Variants in STXBP4 observed in about 807,000 individuals in gnomAD.
STXBP4 encodes syntaxin-binding protein 4.
STXBP4 carries 55 observed loss-of-function variants against 76.1 expected under a neutral mutation model. That is an observed-to-expected ratio of 0.72 (90% CI 0.58 to 0.91). The LOEUF is 0.91. STXBP4 is among the 40% of genes least tolerant of loss of function. The probability of loss-of-function intolerance (pLI) is 0.00; values close to 1 mark genes in which losing one functional copy is unlikely to be tolerated. For synonymous variants in STXBP4, 201 were observed against 220.2 expected, an observed-to-expected ratio of 0.91 and a Z score of 0.77; for missense variants, 618 against 636.9, an observed-to-expected ratio of 0.97 and a Z score of 0.32.
At chr17:55,000,394 A>G (rs975091770) in intron 6 of STXBP4, 2 of 421,260 alleles carry the variant, frequency 4.7e-6, no homozygotes, top group Admixed American at 6.4e-5. Flanking sequence ...CAGTTACAGA[A>G]TAAAGTGTGT....
intron 1 of STXBP4, among the ~76,000 whole-genome samples, chr17:54,970,970 T>G (rs559754461): frequency 9.9e-6 from 1 of 100,754 alleles, no homozygotes; most frequent in African/African-American, 4.3e-5. Context: ...GAAATACTTC[T>G]GAATGACAAC....
At position 55,155,510 on chromosome 17, in the gene STXBP4, ACC is replaced by A. The variant is rs5821088; in HGVS notation, c.1548-4278_1548-4277del. Among the ~76,000 whole-genome samples the A allele has an allele frequency of 4.3e-5, 6 of 138,554 alleles. No individual in the cohort carries two copies. The East Asian group carries it at 8.7e-4, about 20-fold the overall frequency. The allele number at this position is 138,554 out of a possible 152,430, so 90.9% of individuals were successfully genotyped here. On this transcript the variant is annotated intron_variant, in intron 17 of 17. Transcript: ENST00000376352. The stretch of plus-strand genomic sequence containing the variant: ...TAAATACTATATGCATACAATTATC[ACC>A]CCCCCCCCAATAAAATGACACTGGA...
chr17:55,041,779 CT>C (rs1351581950), intron 10 of STXBP4, among the ~76,000 whole-genome samples: 13 of 152,138 alleles, frequency 8.5e-5, no homozygotes, highest in African/African-American at 3.1e-4. Flanking sequence ...CATATTAAGG[CT>C]GTTGGAAGCC....
At chr17:55,080,798 C>T (rs2079245721) in intron 15 of STXBP4, among the ~76,000 whole-genome samples, 1 of 152,084 alleles carries the variant, frequency 6.6e-6, no homozygotes, top group African/African-American at 2.4e-5. Flanking sequence ...GGAGACAGGT[C>T]ATCCTTCTAT....
In STXBP4 at chr17:55,025,647, A is replaced by G. The variant is rs1462657427; in HGVS notation, c.667-5521A>G. ...ATAGAAAGGAATCTCCTAAACCTCA[A>G]AAAGAACATTTATGTAAGCCTACTG... On this transcript the variant is annotated intron_variant, in intron 8 of 17. Coordinates refer to ENST00000376352, the MANE Select transcript of STXBP4 (RefSeq NM_178509.6). 2.0e-5 allele frequency among the ~76,000 whole-genome samples: 3 copies of G among 152,240 alleles called. No homozygotes were observed. The East Asian group carries it at 5.8e-4, about 29-fold the overall frequency.
chr17:55,173,654 A>G (rs1473786935), downstream of STXBP4: 1 of 152,224 alleles, frequency 6.6e-6, no homozygotes, highest in African/African-American at 2.4e-5. Context: ...TTGTGTGAAC[A>G]TAAGTATTCA....
intron 8 of STXBP4, among the ~76,000 whole-genome samples, chr17:55,008,392 T>C (rs2078046537): frequency 6.6e-6 from 1 of 152,148 alleles, no homozygotes; most frequent in African/African-American, 2.4e-5. Context: ...ATGATAGTCC[T>C]TTCTCATTGC....
chr17:55,024,007 C>T (rs565998400), intron 8 of STXBP4, among the ~76,000 whole-genome samples: 4 of 146,494 alleles, frequency 2.7e-5, no homozygotes, highest in Admixed American at 6.8e-5. Flanking sequence ...ATGATTGGTA[C>T]AAATGAATGG....
intron 3 of STXBP4, among the ~76,000 whole-genome samples, chr17:54,990,067 C>G (rs2077690548): frequency 6.6e-6 from 1 of 152,146 alleles, no homozygotes; most frequent in Admixed American, 6.5e-5. Context: ...TTGTCCTACT[C>G]CAAAGAAATA....
At chr17:55,073,172 G>C (rs1373315644) in intron 13 of STXBP4, 96 bp downstream of exon 13, 1 of 1,148,606 alleles carries the variant, frequency 8.7e-7, no homozygotes, top group Non-Finnish European at 1.3e-6. Flanking sequence ...TTCTAAACTA[G>C]GTCAGTGTTT....
intron 16 of STXBP4, among the ~76,000 whole-genome samples, chr17:55,103,969 A>G (rs2079597814): frequency 6.6e-6 from 1 of 152,134 alleles, no homozygotes; most frequent in African/African-American, 2.4e-5. Flanking sequence ...ATTTTTGCAC[A>G]TTGATTTTGT....
intron 16 of STXBP4, among the ~76,000 whole-genome samples, chr17:55,082,757 A>C (rs1269919251): frequency 6.6e-6 from 1 of 152,154 alleles, no homozygotes; most frequent in Non-Finnish European, 1.5e-5. Flanking sequence ...CCAACAACCA[A>C]GAATCACCTA....
chr17:55,081,286 G>A lies in STXBP4; in HGVS notation c.1489+103G>A, dbSNP rs994745835. ...GTTATAGTGGCTTGCCTACAGCAAAGTTGATACCTAATCAATAAAAATATT... is the reference window on the plus strand; with the variant it reads ...GTTATAGTGGCTTGCCTACAGCAAAATTGATACCTAATCAATAAAAATATT... On this transcript the variant is annotated intron_variant, in intron 16 of 17. Transcript: ENST00000376352. The A allele has an allele frequency of 3.6e-5, 29 of 804,264 alleles. No individual in the cohort carries two copies. In the African/African-American group the frequency reaches 5.1e-4, roughly 14 times the overall value. The allele number at this position is 804,264 out of a possible 1,614,324, so 49.8% of individuals were successfully genotyped here. A position where few individuals can be genotyped will look rare whatever the true frequency, so the allele number is the denominator to read the frequency against.
intron 10 of STXBP4, among the ~76,000 whole-genome samples, chr17:55,035,702 A>G (rs1598243023): frequency 6.6e-6 from 1 of 151,912 alleles, no homozygotes; most frequent in African/African-American, 2.4e-5. Context: ...ACATATTAAA[A>G]ATATAAATCT....
At chr17:55,203,836 G>A in the STXBP4 span, among the ~76,000 whole-genome samples, 2 of 151,960 alleles carry the variant, frequency 1.3e-5, no homozygotes, top group Non-Finnish European at 2.9e-5. Flanking sequence ...TGCCTTTGAA[G>A]GTGATCTTTT....
chr17:55,000,746 C>G lies in STXBP4; in HGVS notation c.499-62C>G, dbSNP rs993713659. Reference sequence around the variant, plus strand: ...TCTTTAACCATTCTTTTTATGTTAACATGGGCTTCAAGTGACCTACTTTAG... The same window carrying G: ...TCTTTAACCATTCTTTTTATGTTAAGATGGGCTTCAAGTGACCTACTTTAG... On this transcript the variant is annotated intron_variant, in intron 6 of 17. Transcript: ENST00000376352. 144 of 1,073,158 alleles carry G rather than the reference C, an allele frequency of 1.3e-4. 1 individual carries two copies. In the Admixed American group the frequency reaches 2.6e-3, roughly 19 times the overall value. The allele number at this position is 1,073,158 out of a possible 1,614,324, so 66.5% of individuals were successfully genotyped here. A position where few individuals can be genotyped will look rare whatever the true frequency, so the allele number is the denominator to read the frequency against.
chr17:54,981,237 A>G (rs2077547099), intron 1 of STXBP4, among the ~76,000 whole-genome samples: 1 of 152,104 alleles, frequency 6.6e-6, no homozygotes, highest in Non-Finnish European at 1.5e-5. Flanking sequence ...CAAGATAAGA[A>G]TACTTTGAAT....
chr17:55,114,583 GT>G, intron 16 of STXBP4, among the ~76,000 whole-genome samples: 1 of 152,118 alleles, frequency 6.6e-6, no homozygotes, highest in South Asian at 2.1e-4. Context: ...ACTGTTAACT[GT>G]TTAAGTAATC....
At chr17:55,037,199 T>G (rs907258520) in intron 10 of STXBP4, among the ~76,000 whole-genome samples, 2 of 152,142 alleles carry the variant, frequency 1.3e-5, no homozygotes, top group African/African-American at 4.8e-5. Flanking sequence ...TTCTGCTGAT[T>G]CAGGTGTTGT....
Sources: allele counts gnomAD v4.1 joint callset (sites outside exome capture counted in the v4.1 genomes callset), GRCh38; gene constraint gnomAD v4.1.1; transcripts MANE v1.5; gene names NCBI Gene and HGNC (gene_info 2026-07-23, HGNC 2026-07-21).